Variants in ELAPOR2 observed in about 807,000 individuals in gnomAD.
ELAPOR2 encodes the protein endosome/lysosome-associated apoptosis and autophagy regulator family member 2.
In ELAPOR2, 89 loss-of-function variants were observed where a neutral mutation model predicts 120.7. That is an observed-to-expected ratio of 0.74 (90% CI 0.62 to 0.88). ELAPOR2 has a LOEUF of 0.88. Among genes scored for constraint, ELAPOR2 ranks in the 40% least tolerant of loss-of-function variants. ELAPOR2 has a pLI of 0.00. For missense variants in ELAPOR2, 1,134 were observed against 1,251.6 expected (o/e 0.91, Z 1.42); for synonymous variants, 444 against 444.9 (o/e 1.00, Z 0.03).
At chr7:86,913,946 A>G (rs1438717874) in intron 13 of ELAPOR2, among the ~76,000 whole-genome samples, 2 of 152,200 alleles carry the variant, frequency 1.3e-5, no homozygotes, top group Non-Finnish European at 2.9e-5. Flanking sequence ...AAGATTCCAC[A>G]GCATGTTCAC....
At chr7:86,999,680 T>C (rs538057085) in intron 1 of ELAPOR2, among the ~76,000 whole-genome samples, 1 of 152,148 alleles carries the variant, frequency 6.6e-6, no homozygotes, top group Non-Finnish European at 1.5e-5. Context: ...AATAACTAGC[T>C]TTGTCTATGG....
intron 1 of ELAPOR2, among the ~76,000 whole-genome samples, chr7:86,973,704 T>G (rs1386136470): frequency 6.6e-6 from 1 of 152,092 alleles, no homozygotes; most frequent in Non-Finnish European, 1.5e-5. Flanking sequence ...TCTTGGATCT[T>G]TTAGGCAGGT....
At chr7:87,032,747 T>C (rs1024692296) in intron 1 of ELAPOR2, among the ~76,000 whole-genome samples, 5 of 152,242 alleles carry the variant, frequency 3.3e-5, no homozygotes, top group African/African-American at 1.2e-4. Context: ...AATGAGATCC[T>C]CAAAGTTCAT....
chr7:87,019,024 A>C (rs1303460488), intron 1 of ELAPOR2, among the ~76,000 whole-genome samples: 1 of 152,214 alleles, frequency 6.6e-6, no homozygotes, highest in Non-Finnish European at 1.5e-5. Context: ...AAAAGCAAAA[A>C]ATGACAGAGA....
chr7:86,903,442 T>C (rs1788813782), intron 18 of ELAPOR2, among the ~76,000 whole-genome samples: 1 of 152,224 alleles, frequency 6.6e-6, no homozygotes, highest in Admixed American at 6.5e-5. Flanking sequence ...TGTCTATAAA[T>C]TGTTCTAGGG....
At chr7:86,972,403 C>A (rs936356600) in intron 1 of ELAPOR2, among the ~76,000 whole-genome samples, 3 of 152,088 alleles carry the variant, frequency 2.0e-5, no homozygotes, top group Non-Finnish European at 4.4e-5. Flanking sequence ...TTAAAGGCTG[C>A]ACCTCCCTGG....
At chr7:87,040,231 C>G (rs1326633209) in intron 1 of ELAPOR2, among the ~76,000 whole-genome samples, 1 of 152,254 alleles carries the variant, frequency 6.6e-6, no homozygotes, top group Non-Finnish European at 1.5e-5. Context: ...CTTAGGTAAA[C>G]AAAGCAGCCG....
chr7:86,969,278 C>T (rs1290967552), intron 1 of ELAPOR2, among the ~76,000 whole-genome samples: 1 of 152,136 alleles, frequency 6.6e-6, no homozygotes, highest in Non-Finnish European at 1.5e-5. Flanking sequence ...ACTACAAAAG[C>T]TGCATGGTGC....
intron 2 of ELAPOR2, among the ~76,000 whole-genome samples, chr7:86,953,658 G>A (rs190807834): frequency 1.3e-5 from 2 of 152,264 alleles, no homozygotes; most frequent in East Asian, 1.9e-4. Flanking sequence ...ACTGTTGTTA[G>A]CTGTTTTGAA....
intron 8 of ELAPOR2, 52 bp downstream of exon 8, chr7:86,938,074 G>T: frequency 1.5e-6 from 2 of 1,321,818 alleles, no homozygotes; most frequent in Non-Finnish European, 2.1e-6. Context: ...TGCTCAAATT[G>T]GAAAGAAGGT....
intron 21 of ELAPOR2, among the ~76,000 whole-genome samples, chr7:86,889,322 G>T (rs529298215): frequency 6.6e-6 from 1 of 152,070 alleles, no homozygotes; most frequent in East Asian, 1.9e-4. Flanking sequence ...GTAACCACTT[G>T]ATTGAGTTTA....
Position 87,051,711 on chromosome 7 carries a change from A to G in ELAPOR2, c.189+7614T>C, listed in dbSNP as rs372142385. ...ACTGCTTGTACTATAACAAGACACA[A>G]CTTTGCAGCTGGACCAAAATGTAAA... On this transcript the variant is annotated intron_variant, in intron 1 of 21. Coordinates refer to ENST00000450689, the MANE Select transcript of ELAPOR2 (RefSeq NM_001142749.3). Among the ~76,000 whole-genome samples the G allele has an allele frequency of 6.3e-4, 96 of 152,292 alleles. 1 individual carries two copies. Among genetic ancestry groups the G allele is most frequent in the African/African-American group, 2.2e-3 (92 of 41,560 alleles).
At chr7:86,910,168 G>C (rs1490842486) in intron 15 of ELAPOR2, among the ~76,000 whole-genome samples, 167 bp from the exon 16 acceptor site, 1 of 151,982 alleles carries the variant, frequency 6.6e-6, no homozygotes, top group Non-Finnish European at 1.5e-5. Flanking sequence ...CTTTTTAAAA[G>C]CTCTCAAGGA....
chr7:86,950,971 T>A (rs1791220814), intron 2 of ELAPOR2, among the ~76,000 whole-genome samples: 1 of 152,198 alleles, frequency 6.6e-6, no homozygotes, highest in Admixed American at 6.5e-5. Flanking sequence ...AAAACACAGT[T>A]ATGGAAAACT....
At chr7:87,049,029 C>T (rs13241273) in intron 1 of ELAPOR2, among the ~76,000 whole-genome samples, 5,154 of 152,158 alleles carry the variant, frequency 0.034, 116 homozygotes, top group Middle Eastern at 0.065. Flanking sequence ...GCCTATGTGC[C>T]CAAAATTAAA....
rs954229759 is a variant in ELAPOR2, at chr7:86,933,137, TATATAC to T, written c.1089+4983_1089+4988del. ...TGTATATAAATATATCAAATATATA[TATATAC>T]AATACTATACTCCAAGTTGATATTG... is the stretch of plus-strand genomic sequence containing the variant. On this transcript the variant is annotated intron_variant, in intron 8 of 21. Coordinates refer to ENST00000450689, the MANE Select transcript of ELAPOR2 (RefSeq NM_001142749.3). 7.7e-4 allele frequency among the ~76,000 whole-genome samples: 117 copies of T among 151,542 alleles called. 2 individuals are homozygous for T. The highest frequency in any genetic ancestry group is 2.6e-3 in the African/African-American group (109 of 41,372).
In ELAPOR2 at chr7:86,891,783, C is replaced by T; in HGVS notation, c.2971G>A (p.Glu991Lys). The T allele has an allele frequency of 6.2e-7, 1 of 1,611,924 alleles. No homozygotes were observed. Among genetic ancestry groups the T allele is most frequent in the Non-Finnish European group, 8.5e-7 (1 of 1,178,580 alleles). ...GACTGTTTATTGGAATATACAACTT[C>T]CTCTTCATTATCTTCTCCTTCCATG... The part of the protein sequence containing the change: ...AIMEGEDNEE[E>K]VVYSNKQSLL... The change falls in exon 21 of 22, where the codon GAA becomes AAA. Residue 991 changes from glutamate (E) to lysine (K), a missense_variant. Physicochemically the swap from Glu to Lys is moderately conservative, Grantham distance 56. Transcript: ENST00000450689.
chr7:87,039,277 A>G (rs1198592935), intron 1 of ELAPOR2, among the ~76,000 whole-genome samples: 2 of 152,190 alleles, frequency 1.3e-5, no homozygotes, highest in East Asian at 3.8e-4. Flanking sequence ...AAAGTCTCCC[A>G]GTAAAGAAAA....
intron 1 of ELAPOR2, among the ~76,000 whole-genome samples, chr7:87,049,410 C>T (rs1373301979): frequency 3.3e-5 from 5 of 152,046 alleles, no homozygotes; most frequent in African/African-American, 9.7e-5. Flanking sequence ...GCCTCCCGAG[C>T]AGCTGGAACC....
Sources: allele counts gnomAD v4.1 joint callset (sites outside exome capture counted in the v4.1 genomes callset), GRCh38; gene constraint gnomAD v4.1.1; transcripts MANE v1.5; gene names NCBI Gene and HGNC (gene_info 2026-07-23, HGNC 2026-07-21).